Variants in FAM193B observed in about 807,000 individuals in gnomAD.
FAM193B encodes protein FAM193B.
Under a neutral mutation model 70.7 loss-of-function variants are expected in FAM193B, and 27 were observed. That is an observed-to-expected ratio of 0.38 (90% CI 0.28 to 0.53). The LOEUF is 0.53. FAM193B is among the 20% of genes least tolerant of loss of function. The pLI is 0.81. For missense variants in FAM193B, 1,022 were observed against 1,072.5 expected (o/e 0.95, Z 0.66); for synonymous variants, 448 against 436.0 (o/e 1.03, Z -0.34).
intron 1 of FAM193B, among the ~76,000 whole-genome samples, chr5:177,551,001 A>ATT (rs34974995): frequency 5.4e-4 from 79 of 147,338 alleles, no homozygotes; most frequent in East Asian, 2.4e-3. Context: ...CTAAGTTTTG[A>ATT]TTTTTTTTTT....
chr5:177,523,883 G>T, intron 7 of FAM193B, 74 bp downstream of exon 7: 1 of 1,539,592 alleles, frequency 6.5e-7, no homozygotes, highest in Non-Finnish European at 9.0e-7. Flanking sequence ...GAGGCTTGAG[G>T]CACAACACAG....
Position 177,547,610 on chromosome 5 carries a change from CAGA to C in FAM193B, c.210+6636_210+6638del, listed in dbSNP as rs1328746647. 4.6e-5 allele frequency among the ~76,000 whole-genome samples: 7 copies of C among 152,140 alleles called. No homozygotes were observed. In the East Asian group the frequency reaches 1.3e-3, roughly 29 times the overall value. ...CAAATTTATTTCTTGAAGCAAAGGA[CAGA>C]AGGACTAGACAAGTGACTTCAAGGC... On this transcript the variant is annotated intron_variant, in intron 1 of 8. Transcript: ENST00000514747.
rs151061250 is a variant in FAM193B, at chr5:177,538,136, G to A, written c.454-29C>T. ...GAGAAGGGGGAGGAAAAAGGCTCACGGTCAAACAGCAAACATCGGAGCTGA... is the reference window on the plus strand; with the variant it reads ...GAGAAGGGGGAGGAAAAAGGCTCACAGTCAAACAGCAAACATCGGAGCTGA... On this transcript the variant is annotated intron_variant, in intron 2 of 8. Transcript: ENST00000514747. The surrounding 1 kb of genome is among the most constrained non-coding windows in gnomAD (Gnocchi z 4.1). The A allele has an allele frequency of 7.9e-6, 12 of 1,513,916 alleles. No individual in the cohort carries two copies. Among genetic ancestry groups the A allele is most frequent in the Non-Finnish European group, 9.8e-6 (11 of 1,123,222 alleles). 93.8% of individuals were successfully genotyped at this position (1,513,916 alleles called of 1,614,324 possible).
At chr5:177,531,150 G>A (rs959302742) in intron 5 of FAM193B, 4 of 996,902 alleles carry the variant, frequency 4.0e-6, no homozygotes, top group Non-Finnish European at 5.2e-6. Flanking sequence ...AACTCATTCA[G>A]ACCTTCCCAG....
At chr5:177,540,306 CAAAAAAAAAA>C (rs71585639) in intron 1 of FAM193B, among the ~76,000 whole-genome samples, 3 of 102,474 alleles carry the variant, frequency 2.9e-5, no homozygotes, top group South Asian at 3.1e-4. Context: ...GACTCCGTCT[CAAAAAAAAAA>C]AAAAAAAAAG....
At position 177,524,532 on chromosome 5, in the gene FAM193B, C is replaced by G; in HGVS notation, c.1949G>C (p.Ser650Thr). The change falls in exon 6 of 9, where the codon AGC (serine) becomes ACC (threonine). Residue 650 changes from serine to threonine, a missense_variant. By Grantham distance (58) the Ser-to-Thr change is moderately conservative. Transcript: ENST00000514747. ...QGSQAKKSEA[S>T]PAPRPPASLE... ...GCTGGCTGGGGGCCGGGGGGCTGGG[C>G]TTGCCTCGCTCTTCTTGGCCTGACT... 6 of 1,611,818 alleles carry G rather than the reference C, an allele frequency of 3.7e-6. No homozygotes were observed. The highest frequency in any genetic ancestry group is 4.2e-6 in the Non-Finnish European group (5 of 1,179,236).
intron 1 of FAM193B, among the ~76,000 whole-genome samples, chr5:177,544,284 C>T (rs1765169861): frequency 6.6e-6 from 1 of 152,202 alleles, no homozygotes; most frequent in South Asian, 2.1e-4. Flanking sequence ...ACCATTATCT[C>T]TGCTCCCTTA....
At chr5:177,551,525 AATG>A (rs1214035249) in intron 1 of FAM193B, among the ~76,000 whole-genome samples, 1 of 152,208 alleles carries the variant, frequency 6.6e-6, no homozygotes, top group Non-Finnish European at 1.5e-5. Flanking sequence ...AAAAGGGCCA[AATG>A]CTACTCAGAG....
At chr5:177,543,299 T>C (rs534243820) in intron 1 of FAM193B, among the ~76,000 whole-genome samples, 58 of 152,346 alleles carry the variant, frequency 3.8e-4, no homozygotes, top group African/African-American at 1.3e-3. Context: ...TGAGTGATGA[T>C]ACCACCCATG....
intron 1 of FAM193B, among the ~76,000 whole-genome samples, chr5:177,552,492 C>A (rs1421065778): frequency 6.6e-6 from 1 of 152,246 alleles, no homozygotes; most frequent in Admixed American, 6.5e-5. Context: ...ATGGTTGAGC[C>A]ATCATCCAAG....
In FAM193B at chr5:177,532,223, A is replaced by C. The variant is rs1763577293; in HGVS notation, c.1275+220T>G. 6.6e-7 allele frequency: 1 copy of C among 1,507,026 alleles called. No individual in the cohort carries two copies. The highest frequency in any genetic ancestry group is 8.8e-7 in the Non-Finnish European group (1 of 1,132,820). The allele number at this position is 1,507,026 out of a possible 1,614,324, so 93.4% of individuals were successfully genotyped here. A position where few individuals can be genotyped will look rare whatever the true frequency, so the allele number is the denominator to read the frequency against. ...TGCCTAAGGAAAAAAAGTCAATCTT[A>C]AGAGAAACCATGAGAAGAGCAAAGG... is the stretch of plus-strand genomic sequence containing the variant. On this transcript the variant is annotated intron_variant, in intron 5 of 8. Coordinates refer to ENST00000514747, the MANE Select transcript of FAM193B (RefSeq NM_001190946.3). The surrounding 1 kb of genome is among the most constrained non-coding windows in gnomAD (Gnocchi z 4.9).
chr5:177,545,044 T>A (rs1765247611), intron 1 of FAM193B, among the ~76,000 whole-genome samples: 1 of 151,938 alleles, frequency 6.6e-6, no homozygotes, highest in Non-Finnish European at 1.5e-5. Context: ...AGAAGACCAT[T>A]CTTCTAATTT....
intron 5 of FAM193B, 74 bp from the exon 6 acceptor site, chr5:177,525,279 C>G: frequency 4.5e-6 from 6 of 1,328,508 alleles, no homozygotes; most frequent in Non-Finnish European, 5.9e-6. Flanking sequence ...ACCCATCAGC[C>G]TGGGGCCCAG....
chr5:177,526,136 C>T (rs1339675882), intron 5 of FAM193B, among the ~76,000 whole-genome samples: 2 of 152,214 alleles, frequency 1.3e-5, no homozygotes, highest in Non-Finnish European at 2.9e-5. Flanking sequence ...ACCTCGGAGT[C>T]AATGTACAGA....
intron 5 of FAM193B, chr5:177,531,973 C>A: frequency 7.8e-7 from 1 of 1,287,868 alleles, no homozygotes; most frequent in South Asian, 1.2e-5. Context: ...TTCTGCACTG[C>A]TTCCTCCCCC....
At chr5:177,543,315 T>A (rs1561781575) in intron 1 of FAM193B, among the ~76,000 whole-genome samples, 1 of 152,320 alleles carries the variant, frequency 6.6e-6, no homozygotes, top group South Asian at 2.1e-4. Flanking sequence ...CCATGCTGCA[T>A]AAAGCTGCCC....
At position 177,531,393 on chromosome 5, in the gene FAM193B, G is replaced by A. The variant is rs775581111; in HGVS notation, c.1275+1050C>T. 30 of 1,337,964 alleles carry A rather than the reference G, an allele frequency of 2.2e-5. 1 individual carries two copies. In the South Asian group the frequency reaches 2.6e-4, roughly 12 times the overall value. The allele number at this position is 1,337,964 out of a possible 1,614,324, so 82.9% of individuals were successfully genotyped here. On this transcript the variant is annotated intron_variant, in intron 5 of 8. Transcript: ENST00000514747. ...GCTCATCCACATCTCGGTGGTCCAC[G>A]GCGGGCTCCCCAGGGATCCCGCCCA...
chr5:177,524,155 G>A, intron 6 of FAM193B, 30 bp downstream of exon 6: 1 of 1,587,946 alleles, frequency 6.3e-7, no homozygotes, highest in South Asian at 1.1e-5. Context: ...TGGGGTAGGG[G>A]GTCAGCCGCT....
At position 177,553,955 on chromosome 5, in the gene FAM193B, G is replaced by GCCCAGT. The variant is rs539736923; in HGVS notation, c.210+288_210+293dup. On this transcript the variant is annotated intron_variant, in intron 1 of 8. Transcript: ENST00000514747. Reference sequence around the variant, plus strand: ...GCGGAGCTGCGGCCTCGGGATCACAGCCCAGTCCCAGTCCCAGTCCCAGTG... The same window carrying GCCCAGT: ...GCGGAGCTGCGGCCTCGGGATCACAGCCCAGTCCCAGTCCCAGTCCCAGTCCCAGTG... 2,006 of 1,252,166 alleles carry GCCCAGT rather than the reference G, an allele frequency of 1.6e-3. 30 individuals are homozygous for GCCCAGT. In the African/African-American group the frequency reaches 0.024, roughly 15 times the overall value. 77.6% of individuals were successfully genotyped at this position (1,252,166 alleles called of 1,614,324 possible).
Sources: allele counts gnomAD v4.1 joint callset (sites outside exome capture counted in the v4.1 genomes callset), GRCh38; gene constraint gnomAD v4.1.1; non-coding constraint Gnocchi (gnomAD v3.1); transcripts MANE v1.5; gene names NCBI Gene and HGNC (gene_info 2026-07-23, HGNC 2026-07-21).